Variants in WDR81 observed in about 807,000 individuals in gnomAD.
The protein encoded by WDR81 is WD repeat domain 81.
Under a neutral mutation model 140.8 loss-of-function variants are expected in WDR81, and 92 were observed. That is an observed-to-expected ratio of 0.65 (90% CI 0.55 to 0.78). WDR81 has a LOEUF of 0.78. Ranked by LOEUF, WDR81 falls within the 30% of genes least tolerant of loss-of-function variation. WDR81 has a pLI of 0.00. For missense variants in WDR81, 2,502 were observed against 2,636.4 expected (o/e 0.95, Z 1.12); for synonymous variants, 1,183 against 1,156.4 (o/e 1.02, Z -0.47).
chr17:1,734,349 G>GT, intron 7 of WDR81, 133 bp downstream of exon 7: 1 of 1,090,692 alleles, frequency 9.2e-7, no homozygotes, highest in Non-Finnish European at 1.3e-6. Context: ...TAGGAGAACA[G>GT]TTAGGGCTTC....
chr17:1,725,200 G>T lies in WDR81; in HGVS notation c.241G>T (p.Gly81Cys). The stretch of plus-strand genomic sequence containing the variant: ...CCTGGGACCCTGTCCCCGCGCAGAG[G>T]GCCTGGGAGAAGCGGAAGTCAGGAC... ...LPLGPCPRAE[G>C]LGEAEVRTLL... Residue 81 changes from glycine (G) to cysteine (C), a missense_variant, in exon 1 of 10, where the codon GGC (glycine) becomes TGC (cysteine). By Grantham distance (159) the Gly-to-Cys change is radical. Coordinates refer to ENST00000409644, the MANE Select transcript of WDR81 (RefSeq NM_001163809.2). 6.5e-7 allele frequency: 1 copy of T among 1,538,072 alleles called. No individual in the cohort carries two copies. The highest frequency in any genetic ancestry group is 1.2e-5 in the South Asian group (1 of 84,054).
In WDR81 at chr17:1,718,670, G is replaced by A. The variant is rs144571338; in HGVS notation, c.-124+2037G>A. 5.2e-3 allele frequency among the ~76,000 whole-genome samples: 791 copies of A among 152,344 alleles called. 15 individuals are homozygous for A. The highest frequency in any genetic ancestry group is 0.014 in the Admixed American group (209 of 15,294). On this transcript the variant is annotated intron_variant, in intron 1 of 10. Transcript: ENST00000309182. ...AGGGTCACTCCAGGACAAGCTTAGT[G>A]TGAAGTCCTAGGACTGACTTGGCAA... is the stretch of plus-strand genomic sequence containing the variant.
In WDR81 at chr17:1,727,325, C is replaced by T. The variant is rs748844854; in HGVS notation, c.2366C>T (p.Thr789Met). 5.7e-5 allele frequency: 89 copies of T among 1,549,756 alleles called. No homozygotes were observed. Among genetic ancestry groups the T allele is most frequent in the Middle Eastern group, 3.3e-4 (2 of 6,012 alleles). Residue 789 changes from threonine (T) to methionine (M), a missense_variant, in exon 1 of 10, where the codon ACG (threonine) becomes ATG (methionine). By Grantham distance (81) the Thr-to-Met change is moderately conservative. Transcript: ENST00000409644. ...ATGGTGTTTGCCACCAGGGTGCGGACGCTGCAGCCCGATGCACCTTTGTGG... is the reference window on the plus strand; with the variant it reads ...ATGGTGTTTGCCACCAGGGTGCGGATGCTGCAGCCCGATGCACCTTTGTGG... ...AEMVFATRVRTLQPDAPLWVR... is the reference protein window; with the variant it reads ...AEMVFATRVRMLQPDAPLWVR...
rs1023657615 is a variant in WDR81 at position 1,732,809 on chromosome 17, C to T, written c.4467C>T (p.Tyr1489=). 16 of 1,611,274 alleles carry T rather than the reference C, an allele frequency of 9.9e-6. No individual in the cohort carries two copies. Among genetic ancestry groups the T allele is most frequent in the South Asian group, 5.5e-5 (5 of 90,848 alleles). Residue 1489 remains tyrosine (Y), a synonymous_variant, in exon 6 of 10, where the codon TAC becomes TAT. Coordinates refer to ENST00000409644, the MANE Select transcript of WDR81 (RefSeq NM_001163809.2). ...CCCTGGAGATGGCATACACAATCTA[C>T]GTGCCCTTCTCCTGCCTGTTGGGTA... ...VFTLEMAYTI[Y]VPFSCLLGDI...
upstream of WDR81, chr17:1,724,677 TGC>T (rs1915089384): frequency 9.5e-7 from 1 of 1,056,916 alleles, no homozygotes; most frequent in African/African-American, 1.7e-5. Context: ...CTTGTTTCCG[TGC>T]TGGGGCGATC....
intron 4 of WDR81, 110 bp from the exon 5 acceptor site, chr17:1,732,215 T>A: frequency 6.9e-7 from 1 of 1,442,548 alleles, no homozygotes; most frequent in Non-Finnish European, 9.2e-7. Context: ...CCAGCCTGGA[T>A]GACAGAGCAA....
Position 1,726,509 on chromosome 17 carries a change from G to T in WDR81, c.1550G>T (p.Trp517Leu), listed in dbSNP as rs1376107352. Residue 517 changes from tryptophan to leucine, a missense_variant, in exon 1 of 10, where the codon TGG becomes TTG. Physicochemically the swap from Trp to Leu is moderately conservative, Grantham distance 61. This residue lies in a region of WDR81 where 218 missense variants were observed against 279.6 expected (regional missense o/e 0.78). Transcript: ENST00000409644. ...ATGCCTGACCTGGATGTGCCAGCCTGGTGCAGCTCCAGCCAGGAGTTCGTA... is the reference window on the plus strand; with the variant it reads ...ATGCCTGACCTGGATGTGCCAGCCTTGTGCAGCTCCAGCCAGGAGTTCGTA... ...PDMPDLDVPA[W>L]CSSSQEFVAA... 1.9e-6 allele frequency: 3 copies of T among 1,550,478 alleles called. No homozygotes were observed. Among genetic ancestry groups the T allele is most frequent in the Non-Finnish European group, 2.6e-6 (3 of 1,147,014 alleles).
upstream of WDR81, among the ~76,000 whole-genome samples, chr17:1,722,908 TG>T (rs1010068164): frequency 5.3e-5 from 8 of 152,096 alleles, no homozygotes; most frequent in Non-Finnish European, 1.0e-4. Context: ...TTGGCCGGGC[TG>T]GTCTTGAACT....
At chr17:1,716,834 G>A (rs1038300407) in intron 1 of WDR81, 6 of 637,736 alleles carry the variant, frequency 9.4e-6, no homozygotes, top group South Asian at 2.0e-5. Flanking sequence ...TCAGCCCCCA[G>A]GGCAGCAGAG....
Position 1,726,861 on chromosome 17 carries a change from C to G in WDR81, c.1902C>G (p.Gly634=), listed in dbSNP as rs1174395902. The change falls in exon 1 of 10, where the codon GGC becomes GGG. Residue 634 remains glycine (G), a synonymous_variant. Coordinates refer to ENST00000409644, the MANE Select transcript of WDR81 (RefSeq NM_001163809.2). ...ENPGQLPNGV[G]RPVLEATPCE... ...CGGGACAGCTTCCAAATGGAGTGGG[C>G]CGGCCAGTTTTAGAGGCCACTCCCT... The G allele has an allele frequency of 6.5e-7, 1 of 1,550,340 alleles. No individual in the cohort carries two copies. The highest frequency in any genetic ancestry group is 2.0e-5 in the Admixed American group (1 of 50,996).
At chr17:1,730,287 C>T (rs1440178950) in intron 1 of WDR81, 93 bp from the exon 2 acceptor site, 15 of 1,018,502 alleles carry the variant, frequency 1.5e-5, no homozygotes, top group East Asian at 5.7e-5. Context: ...GAGCTGCAGC[C>T]GCAGGTGGTT....
chr17:1,727,038 A>G lies in WDR81; in HGVS notation c.2079A>G (p.Ser693=). Residue 693 remains serine, a synonymous_variant, in exon 1 of 10, where the codon TCA becomes TCG. Transcript: ENST00000409644. The part of the protein sequence containing the change: ...SQASPGLLSF[S]VASASRPGRR... ...CGTCCCCTGGACTTCTCTCTTTCTC[A>G]GTGGCCTCAGCCTCCCGTCCAGGCC... is the stretch of plus-strand genomic sequence containing the variant. The G allele has an allele frequency of 1.3e-6, 2 of 1,550,276 alleles. No individual in the cohort carries two copies. Among genetic ancestry groups the G allele is most frequent in the Non-Finnish European group, 8.7e-7 (1 of 1,146,912 alleles).
In WDR81 at chr17:1,735,565, T is replaced by C; in HGVS notation, c.5180-7T>C. 1 of 1,595,320 alleles carries C rather than the reference T, an allele frequency of 6.3e-7. No individual in the cohort carries two copies. The highest frequency in any genetic ancestry group is 8.5e-7 in the Non-Finnish European group (1 of 1,169,772). On this transcript the variant is annotated splice_region_variant and splice_polypyrimidine_tract_variant and intron_variant, in intron 7 of 9. Transcript: ENST00000409644. This position sits in a 1 kb window ranked among gnomAD's most constrained non-coding sequence, Gnocchi z 4.2. ...GACCCCAGATCCACTGTGACTTTCC[T>C]TCCCAGGGAAGACCCTTCGCACAGT... is the stretch of plus-strand genomic sequence containing the variant.
At chr17:1,716,565 G>T in exon 1 of WDR81, 1 of 1,551,408 alleles carries the variant, frequency 6.4e-7, no homozygotes, top group South Asian at 1.2e-5. Flanking sequence ...CGGCGTCTGC[G>T]TTTGCAATGC....
Position 1,728,004 on chromosome 17 carries a change from A to T in WDR81, c.3045A>T (p.Ala1015=), listed in dbSNP as rs1915407974. The T allele has an allele frequency of 6.4e-7, 1 of 1,551,272 alleles. No homozygotes were observed. Among genetic ancestry groups the T allele is most frequent in the Admixed American group, 2.0e-5 (1 of 51,058 alleles). The change falls in exon 1 of 10, where the codon GCA becomes GCT. Residue 1015 remains alanine (A), a synonymous_variant. Coordinates refer to ENST00000409644, the MANE Select transcript of WDR81 (RefSeq NM_001163809.2). ...ATGTCCTGCAGGTGCTGGCGGGCGCAGAGGCCTCCCAGGAGGAGAGCAAGG... is the reference window on the plus strand; with the variant it reads ...ATGTCCTGCAGGTGCTGGCGGGCGCTGAGGCCTCCCAGGAGGAGAGCAAGG... ...LPHVLQVLAG[A]EASQEESKDL... is the part of the protein sequence containing the mutation.
Position 1,725,019 on chromosome 17 carries a change from T to C in WDR81, c.60T>C (p.His20=). Residue 20 remains histidine (H), a synonymous_variant, in exon 1 of 10, where the codon CAT becomes CAC. Coordinates refer to ENST00000409644, the MANE Select transcript of WDR81 (RefSeq NM_001163809.2). ...GALRTPAGGW[H]SPPSPDMQEL... ...TCAGAACCCCGGCCGGGGGCTGGCATTCCCCGCCAAGCCCAGACATGCAGG... is the reference window on the plus strand; with the variant it reads ...TCAGAACCCCGGCCGGGGGCTGGCACTCCCCGCCAAGCCCAGACATGCAGG... 1.4e-6 allele frequency: 2 copies of C among 1,472,378 alleles called. No homozygotes were observed. The highest frequency in any genetic ancestry group is 2.5e-5 in the East Asian group (1 of 40,030). 91.2% of individuals were successfully genotyped at this position (1,472,378 alleles called of 1,614,324 possible). A position where few individuals can be genotyped will look rare whatever the true frequency, so the allele number is the denominator to read the frequency against.
upstream of WDR81, chr17:1,724,638 T>C: frequency 9.8e-7 from 1 of 1,016,556 alleles, no homozygotes; most frequent in African/African-American, 1.7e-5. Context: ...GGAAGCGGGG[T>C]CCCGCCCGGG....
upstream of WDR81, among the ~76,000 whole-genome samples, chr17:1,723,530 G>A (rs553631551): frequency 5.4e-5 from 8 of 147,984 alleles, no homozygotes; most frequent in Admixed American, 4.8e-4. Flanking sequence ...CTGTTGCCCA[G>A]GTTGGAGTAC....
chr17:1,727,625 C>T lies in WDR81; in HGVS notation c.2666C>T (p.Ala889Val). Residue 889 changes from alanine (A) to valine (V), a missense_variant, in exon 1 of 10, where the codon GCA becomes GTA. Ala to Val is a moderately conservative substitution (Grantham distance 64, BLOSUM62 0). Transcript: ENST00000409644. The stretch of plus-strand genomic sequence containing the variant: ...CACAGATTCATCCTCCTGTACCAGG[C>T]AAGGCGTGTGGAGGACGAGGCCCAG... ...ALHRFILLYQ[A>V]RRVEDEAQGR... 4 of 1,550,562 alleles carry T rather than the reference C, an allele frequency of 2.6e-6. No homozygotes were observed. The highest frequency in any genetic ancestry group is 2.0e-5 in the Admixed American group (1 of 51,006).
Sources: allele counts gnomAD v4.1 joint callset (sites outside exome capture counted in the v4.1 genomes callset), GRCh38; gene constraint gnomAD v4.1.1; regional missense constraint gnomAD v4.1.1; non-coding constraint Gnocchi (gnomAD v3.1); transcripts MANE v1.5; gene names NCBI Gene and HGNC (gene_info 2026-07-23, HGNC 2026-07-21).